Variants in RAB3GAP2 observed in about 807,000 individuals in gnomAD.
The protein encoded by RAB3GAP2 is RAB3 GTPase activating non-catalytic protein subunit 2.
In RAB3GAP2, 87 loss-of-function variants were observed where a neutral mutation model predicts 185.3. That is an observed-to-expected ratio of 0.47 (90% CI 0.39 to 0.56). RAB3GAP2 has a LOEUF of 0.56. Among genes scored for constraint, RAB3GAP2 ranks in the 20% least tolerant of loss-of-function variants. The pLI is 0.00. For missense variants in RAB3GAP2, 1,492 were observed against 1,638.2 expected (o/e 0.91, Z 1.54); for synonymous variants, 554 against 576.1 (o/e 0.96, Z 0.55).
intron 24 of RAB3GAP2, among the ~76,000 whole-genome samples, chr1:220,170,457 G>A (rs1167269298): frequency 2.6e-5 from 4 of 151,058 alleles, no homozygotes; most frequent in African/African-American, 7.3e-5. Context: ...AAAAAAAAAA[G>A]GATATTTGGT....
chr1:220,261,653 A>T (rs1660138272), intron 1 of RAB3GAP2, among the ~76,000 whole-genome samples: 1 of 152,192 alleles, frequency 6.6e-6, no homozygotes, highest in Admixed American at 6.5e-5. Context: ...GACTTCTACA[A>T]CTATCTATCT....
At chr1:220,189,207 T>C (rs1346723450) in intron 17 of RAB3GAP2, among the ~76,000 whole-genome samples, 2 of 151,666 alleles carry the variant, frequency 1.3e-5, no homozygotes, top group African/African-American at 4.8e-5. Flanking sequence ...ATATATATAA[T>C]GTAGGGATGT....
chr1:220,270,822 C>A (rs949878695), intron 1 of RAB3GAP2, among the ~76,000 whole-genome samples: 1 of 152,216 alleles, frequency 6.6e-6, no homozygotes, highest in Non-Finnish European at 1.5e-5. Context: ...AATGTCATTT[C>A]TCTACTTAAA....
At chr1:220,265,084 ACT>A (rs1293712065) in intron 1 of RAB3GAP2, among the ~76,000 whole-genome samples, 3 of 151,958 alleles carry the variant, frequency 2.0e-5, no homozygotes, top group African/African-American at 7.2e-5. Flanking sequence ...AAACCCAGTA[ACT>A]CTATATATTT....
chr1:220,270,077 C>T (rs1159503383), intron 1 of RAB3GAP2, among the ~76,000 whole-genome samples: 1 of 152,204 alleles, frequency 6.6e-6, no homozygotes, highest in Non-Finnish European at 1.5e-5. Context: ...TTACCTCCAC[C>T]TTCTCAAAAC....
At chr1:220,216,430 A>G (rs1659202795) in intron 2 of RAB3GAP2, among the ~76,000 whole-genome samples, 1 of 152,186 alleles carries the variant, frequency 6.6e-6, no homozygotes, top group African/African-American at 2.4e-5. Context: ...CTGCTGTAGG[A>G]TAGTCTTTGT....
At chr1:220,266,643 G>C (rs1261299083) in intron 1 of RAB3GAP2, 3 of 1,373,814 alleles carry the variant, frequency 2.2e-6, no homozygotes, top group East Asian at 2.3e-5. Context: ...AATTTTGGTA[G>C]CATGTTCCTG....
chr1:220,162,337 C>A lies in RAB3GAP2; in HGVS notation c.3155-69G>T, dbSNP rs1030103861. 8.6e-6 allele frequency: 9 copies of A among 1,050,982 alleles called. No individual in the cohort carries two copies. In the African/African-American group the frequency reaches 1.1e-4, roughly 13 times the overall value. The allele number at this position is 1,050,982 out of a possible 1,614,324, so 65.1% of individuals were successfully genotyped here. On this transcript the variant is annotated intron_variant, in intron 27 of 34. Coordinates refer to ENST00000358951, the MANE Select transcript of RAB3GAP2 (RefSeq NM_012414.4). ...TCACTTTTATTACACATAAATTACT[C>A]TTTCTTAAGCTTATTAAACTATATA...
chr1:220,268,748 A>G (rs1660278781), intron 1 of RAB3GAP2, among the ~76,000 whole-genome samples: 1 of 152,218 alleles, frequency 6.6e-6, no homozygotes, highest in South Asian at 2.1e-4. Flanking sequence ...ACATTAAACC[A>G]TATTTATAAA....
At position 220,161,527 on chromosome 1, in the gene RAB3GAP2, T is replaced by C. The variant is rs189106036; in HGVS notation, c.3225+671A>G. Among the ~76,000 whole-genome samples the C allele has an allele frequency of 2.3e-3, 357 of 152,298 alleles. 1 individual carries two copies. Among genetic ancestry groups the C allele is most frequent in the African/African-American group, 8.4e-3 (349 of 41,560 alleles). ...ACCAGTTGAGTTCTATGCTTATATG[T>C]TATGCTTGTTCCCAAAGCTACTCAT... is the stretch of plus-strand genomic sequence containing the variant. On this transcript the variant is annotated intron_variant, in intron 28 of 34. Transcript: ENST00000358951.
At chr1:220,179,268 G>C (rs1212107216) in intron 21 of RAB3GAP2, among the ~76,000 whole-genome samples, 1 of 89,042 alleles carries the variant, frequency 1.1e-5, no homozygotes, top group African/African-American at 4.4e-5. Flanking sequence ...AAAAAAAAAA[G>C]AAGACAAAGA....
rs149796074 is a variant in RAB3GAP2 at position 220,177,393 on chromosome 1, C to T, written c.2311-4651G>A. On this transcript the variant is annotated intron_variant, in intron 21 of 34. Coordinates refer to ENST00000358951, the MANE Select transcript of RAB3GAP2 (RefSeq NM_012414.4). ...AGACTAAAGTACATACCTAATATAT[C>T]AATGCACAATACCATCGTACTACCA... Among the ~76,000 whole-genome samples, 197 of 152,290 alleles carry T rather than the reference C, an allele frequency of 1.3e-3. 1 individual carries two copies. The highest frequency in any genetic ancestry group is 1.2e-3 in the Non-Finnish European group (83 of 68,030).
At position 220,151,117 on chromosome 1, in the gene RAB3GAP2, T is replaced by A. The variant is rs1657743916; in HGVS notation, c.*134A>T. On this transcript the variant is annotated 3_prime_UTR_variant, in exon 35 of 35. Transcript: ENST00000358951. The stretch of plus-strand genomic sequence containing the variant: ...GGTTGCACTTTTTAAAAGTTGTATA[T>A]ACTTTTATTTATTTTACAAAAGGAA... The A allele has an allele frequency of 1.1e-6, 1 of 912,438 alleles. No individual in the cohort carries two copies. The highest frequency in any genetic ancestry group is 1.7e-5 in the African/African-American group (1 of 59,402). 56.5% of individuals were successfully genotyped at this position (912,438 alleles called of 1,614,324 possible). A position where few individuals can be genotyped will look rare whatever the true frequency, so the allele number is the denominator to read the frequency against.
chr1:220,166,555 A>G (rs1007863721), intron 26 of RAB3GAP2, among the ~76,000 whole-genome samples: 14 of 152,262 alleles, frequency 9.2e-5, no homozygotes, highest in African/African-American at 3.4e-4. Context: ...CTCTTGAGCC[A>G]GAAGCTTGTC....
intron 1 of RAB3GAP2, among the ~76,000 whole-genome samples, chr1:220,250,725 T>G (rs2102522181): frequency 6.6e-6 from 1 of 152,272 alleles, no homozygotes; most frequent in East Asian, 1.9e-4. Flanking sequence ...TTCATGATAG[T>G]GATAGTGCTG....
In RAB3GAP2 at chr1:220,210,786, G is replaced by A. The variant is rs1306263415; in HGVS notation, c.510+15C>T. ...AGTCAACTAGTGTTTTCCAGCTGTTGAAAACTCAACTCACCTCAGTGTAGA... is the reference window on the plus strand; with the variant it reads ...AGTCAACTAGTGTTTTCCAGCTGTTAAAAACTCAACTCACCTCAGTGTAGA... On this transcript the variant is annotated intron_variant, in intron 6 of 34. Transcript: ENST00000358951. 6.2e-7 allele frequency: 1 copy of A among 1,610,118 alleles called. No individual in the cohort carries two copies. Among genetic ancestry groups the A allele is most frequent in the African/African-American group, 1.3e-5 (1 of 74,756 alleles).
At chr1:220,214,452 G>C (rs1659146008) in intron 2 of RAB3GAP2, among the ~76,000 whole-genome samples, 1 of 152,010 alleles carries the variant, frequency 6.6e-6, no homozygotes, top group African/African-American at 2.4e-5. Context: ...CTTGAACCCA[G>C]GAGGTAGAGG....
chr1:220,265,102 A>C (rs1015859109), intron 1 of RAB3GAP2, among the ~76,000 whole-genome samples: 7 of 152,116 alleles, frequency 4.6e-5, no homozygotes, highest in Non-Finnish European at 7.4e-5. Flanking sequence ...TATTTTCTGA[A>C]ATCTCTATAA....
intron 20 of RAB3GAP2, 56 bp downstream of exon 20, chr1:220,182,662 C>T: frequency 1.5e-6 from 2 of 1,342,688 alleles, no homozygotes; most frequent in Non-Finnish European, 1.0e-6. Flanking sequence ...TATGTTCCTA[C>T]CATGTTTTCT....
Sources: gnomAD v4.1 joint callset for allele counts (sites outside exome capture counted in the v4.1 genomes callset) on GRCh38, gnomAD v4.1.1 for gene constraint, MANE v1.5 for transcripts, NCBI Gene and HGNC (gene_info 2026-07-23, HGNC 2026-07-21) for gene names.